The following LANCL3 variants were observed in gnomAD, a reference collection of about 807,000 sequenced individuals.
The protein encoded by LANCL3 is LanC like family member 3.
Under a neutral mutation model 26.5 loss-of-function variants are expected in LANCL3, and 19 were observed. The observed-to-expected ratio is 0.72, with a 90% CI of 0.50 to 1.05. The LOEUF (loss-of-function observed/expected upper bound fraction) is 1.05, where lower values mean the gene tolerates loss of function less well. Among genes scored for constraint, LANCL3 ranks in the 50% least tolerant of loss-of-function variants. The pLI, the probability that LANCL3 is intolerant of heterozygous loss-of-function variation, is 0.00. For missense variants in LANCL3, 318 were observed against 362.7 expected, an observed-to-expected ratio of 0.88 and a Z score of 1.00; for synonymous variants, 160 against 166.6, an observed-to-expected ratio of 0.96 and a Z score of 0.30.
intron 1 of LANCL3, among the ~76,000 whole-genome samples, chrX:37,608,910 T>C (rs1182376878): frequency 8.9e-6 from 1 of 112,267 alleles, no homozygotes; most frequent in African/African-American, 3.2e-5. Context: ...TCTGGGCCAG[T>C]TAACAAATTT....
chrX:37,617,400 C>A (rs1925038909), intron 1 of LANCL3, among the ~76,000 whole-genome samples: 1 of 111,523 alleles, frequency 9.0e-6, no homozygotes, highest in Admixed American at 9.5e-5. Context: ...TTGCTTTCTG[C>A]CTTATGATCA....
At position 37,608,180 on chromosome X, in the gene LANCL3, T is replaced by C. The variant is rs782187654; in HGVS notation, c.573+35737T>C. Among the ~76,000 whole-genome samples, 10 of 112,132 alleles carry C rather than the reference T, an allele frequency of 8.9e-5. No individual in the cohort carries two copies. In the South Asian group the frequency reaches 3.8e-3, roughly 42 times the overall value. On this transcript the variant is annotated intron_variant, in intron 1 of 4. Coordinates refer to ENST00000378619, the MANE Select transcript of LANCL3 (RefSeq NM_001170331.2). ...AAACCAAAGTCCAGAGAGAGGGGCA[T>C]ACAGTAAACTAATAGCAGAACACAG...
At chrX:37,599,357 A>G (rs782016867) in intron 1 of LANCL3, among the ~76,000 whole-genome samples, 1 of 112,420 alleles carries the variant, frequency 8.9e-6, no homozygotes, top group Non-Finnish European at 1.9e-5. Context: ...TTTAGTGTTC[A>G]TCAGAGTCAC....
chrX:37,651,795 C>CA (rs1382538547), intron 1 of LANCL3, among the ~76,000 whole-genome samples: 1 of 109,950 alleles, frequency 9.1e-6, no homozygotes, highest in Non-Finnish European at 1.9e-5. Context: ...TGTTCCCCTT[C>CA]CTGTGTCCAG....
intron 3 of LANCL3, among the ~76,000 whole-genome samples, chrX:37,666,503 T>G (rs1395664586): frequency 1.8e-5 from 2 of 112,443 alleles, no homozygotes; most frequent in African/African-American, 6.5e-5. Context: ...TTTCAGTCTT[T>G]CACACTTTTT....
At chrX:37,654,671 G>A (rs144425843) in intron 1 of LANCL3, among the ~76,000 whole-genome samples, 1,312 of 111,280 alleles carry the variant, frequency 0.012, 20 homozygotes, top group African/African-American at 0.04. Context: ...TGAAGGGAGG[G>A]AGGGCTCTGA....
At chrX:37,602,118 T>C in intron 1 of LANCL3, among the ~76,000 whole-genome samples, 1 of 111,621 alleles carries the variant, frequency 9.0e-6, no homozygotes, top group Non-Finnish European at 1.9e-5. Context: ...TCAAACAGTA[T>C]TTTGACATCC....
At chrX:37,657,270 A>G (rs1926306265) in intron 2 of LANCL3, among the ~76,000 whole-genome samples, 1 of 112,892 alleles carries the variant, frequency 8.9e-6, no homozygotes. Context: ...ATGAAGCGGG[A>G]GCAAAGATGC....
chrX:37,658,267 G>T (rs1556431609), intron 2 of LANCL3, among the ~76,000 whole-genome samples: 2 of 111,721 alleles, frequency 1.8e-5, no homozygotes, highest in African/African-American at 6.5e-5. Context: ...AACAGAATAT[G>T]ATTTCTTATA....
intron 1 of LANCL3, among the ~76,000 whole-genome samples, chrX:37,592,826 A>G (rs782714680): frequency 2.8e-4 from 31 of 111,732 alleles, no homozygotes; most frequent in Non-Finnish European, 5.3e-4. Flanking sequence ...AATATTTTTT[A>G]TAAGTGAAAT....
intron 1 of LANCL3, among the ~76,000 whole-genome samples, chrX:37,605,035 G>A (rs1924669190): frequency 8.9e-6 from 1 of 111,813 alleles, no homozygotes; most frequent in Non-Finnish European, 1.9e-5. Context: ...TGCTGGAGAA[G>A]GGGAGGGGCA....
chrX:37,669,133 T>G (rs1556435121), intron 4 of LANCL3, among the ~76,000 whole-genome samples: 1 of 112,339 alleles, frequency 8.9e-6, no homozygotes, highest in Admixed American at 9.4e-5. Flanking sequence ...TACATGTATA[T>G]TTTAATGAGC....
chrX:37,586,136 C>G (rs1924070843), intron 1 of LANCL3, among the ~76,000 whole-genome samples: 1 of 112,206 alleles, frequency 8.9e-6, no homozygotes, highest in Non-Finnish European at 1.9e-5. Context: ...CCACTCTCTT[C>G]TGGCTTGTAG....
intron 1 of LANCL3, among the ~76,000 whole-genome samples, chrX:37,645,259 C>G (rs1406172253): frequency 3.6e-5 from 4 of 112,199 alleles, no homozygotes; most frequent in African/African-American, 9.7e-5. Flanking sequence ...GAAATGGTAC[C>G]TGGGACCAAA....
intron 1 of LANCL3, among the ~76,000 whole-genome samples, chrX:37,611,529 C>G (rs1021582329): frequency 1.3e-4 from 14 of 111,647 alleles, no homozygotes; most frequent in Non-Finnish European, 1.9e-5. Context: ...GTAAAGGTTC[C>G]CTGAATGGCT....
In LANCL3 at chrX:37,667,392, G is replaced by C; in HGVS notation, c.1006G>C (p.Gly336Arg). 8.3e-7 allele frequency: 1 copy of C among 1,201,579 alleles called. No homozygotes were observed. Among genetic ancestry groups the C allele is most frequent in the South Asian group, 1.8e-5 (1 of 55,302 alleles). Residue 336 changes from glycine to arginine, a missense_variant, in exon 4 of 5, where the codon GGG becomes CGG. Transcript: ENST00000378619. Reference sequence around the variant, plus strand: ...ATGGCAGAAAGGCCTGCTAAAGAAGGGGCCTGGGATTTGCCATGGAGTAGC... The same window carrying C: ...ATGGCAGAAAGGCCTGCTAAAGAAGCGGCCTGGGATTTGCCATGGAGTAGC... Reference protein sequence around the residue: ...LTWQKGLLKKGPGICHGVAGS... With the variant: ...LTWQKGLLKKRPGICHGVAGS...
At chrX:37,587,584 G>A (rs1924137822) in intron 1 of LANCL3, among the ~76,000 whole-genome samples, 1 of 112,989 alleles carries the variant, frequency 8.9e-6, no homozygotes, top group South Asian at 3.6e-4. Flanking sequence ...TGGGCGTGGG[G>A]CCCTCCAAGC....
At chrX:37,638,735 TAC>T (rs1268933334) in intron 1 of LANCL3, among the ~76,000 whole-genome samples, 4 of 111,337 alleles carry the variant, frequency 3.6e-5, no homozygotes, top group Non-Finnish European at 7.5e-5. Flanking sequence ...CAGATCAATA[TAC>T]AGAGCATTTC....
At chrX:37,588,791 C>T (rs781845511) in intron 1 of LANCL3, among the ~76,000 whole-genome samples, 14 of 112,207 alleles carry the variant, frequency 1.2e-4, no homozygotes, top group African/African-American at 4.2e-4. Flanking sequence ...GAGACAAAGT[C>T]TTACAGACTT....
Sources: allele counts gnomAD v4.1 joint callset (sites outside exome capture counted in the v4.1 genomes callset), GRCh38; gene constraint gnomAD v4.1.1; transcripts MANE v1.5; gene names NCBI Gene and HGNC (gene_info 2026-07-23, HGNC 2026-07-21).